Variants in CRY2 observed in about 807,000 individuals in gnomAD.
CRY2 encodes the protein cryptochrome circadian regulator 2, also known as cryptochrome-2.
Under a neutral mutation model 69.5 loss-of-function variants are expected in CRY2, and 31 were observed. The observed-to-expected ratio is 0.45, with a 90% confidence interval of 0.34 to 0.60. The LOEUF (loss-of-function observed/expected upper bound fraction) is 0.60. Among genes scored for constraint, CRY2 ranks in the 20% least tolerant of loss-of-function variants. The probability of loss-of-function intolerance (pLI) is 0.02; values close to 1 mark genes in which losing one functional copy is unlikely to be tolerated. For synonymous variants in CRY2, 303 were observed against 312.2 expected, an observed-to-expected ratio of 0.97 and a Z score of 0.31; for missense variants, 606 against 797.8, an observed-to-expected ratio of 0.76 and a Z score of 2.90.
intron 5 of CRY2, among the ~76,000 whole-genome samples, chr11:45,865,380 A>G (rs2086323167): frequency 6.6e-6 from 1 of 152,106 alleles, no homozygotes; most frequent in Non-Finnish European, 1.5e-5. Flanking sequence ...TTGCCTTAGA[A>G]TAATTCATTA....
chr11:45,871,960 T>G (rs1590771293), intron 10 of CRY2, 132 bp from the exon 11 acceptor site: 1 of 1,296,160 alleles, frequency 7.7e-7, no homozygotes, highest in Non-Finnish European at 1.1e-6. Context: ...GAGGGGCAGG[T>G]CTGAGGAGCA....
intron 4 of CRY2, 62 bp from the exon 5 acceptor site, chr11:45,861,998 C>T: frequency 7.3e-7 from 1 of 1,378,588 alleles, no homozygotes; most frequent in Non-Finnish European, 1.0e-6. Flanking sequence ...AACAGAACAG[C>T]CGTGCCGGGC....
chr11:45,876,678 C>CT (rs1167552282), intron 11 of CRY2, among the ~76,000 whole-genome samples: 3 of 152,224 alleles, frequency 2.0e-5, no homozygotes, highest in African/African-American at 7.2e-5. Context: ...CCCCCGCGGG[C>CT]TTTTGTTAGC....
chr11:45,857,541 C>T (rs1331760325), intron 2 of CRY2, among the ~76,000 whole-genome samples: 1 of 152,060 alleles, frequency 6.6e-6, no homozygotes, highest in Non-Finnish European at 1.5e-5. Context: ...GGTACTAGGC[C>T]CCATACTAGG....
chr11:45,869,798 G>C lies in CRY2; in HGVS notation c.1175G>C (p.Ser392Thr), dbSNP rs1376432702. The C allele has an allele frequency of 1.2e-6, 2 of 1,608,954 alleles. No homozygotes were observed. The highest frequency in any genetic ancestry group is 4.5e-5 in the East Asian group (2 of 44,756). Residue 392 changes from serine to threonine, a missense_variant, in exon 7 of 12, where the codon AGC becomes ACC. Transcript: ENST00000616080. ...CTGACCCGCGGGGACCTCTGGGTCA[G>C]CTGGGAGAGCGGGGTCCGGGTGAGT... Reference protein sequence around the residue: ...CFLTRGDLWVSWESGVRVFDE... With the variant: ...CFLTRGDLWVTWESGVRVFDE...
Position 45,882,662 on chromosome 11 carries a change from A to G in CRY2, c.*1751A>G. 2 of 398,972 alleles carry G rather than the reference A, an allele frequency of 5.0e-6. No homozygotes were observed. The highest frequency in any genetic ancestry group is 4.4e-6 in the Non-Finnish European group (1 of 226,084). The allele number at this position is 398,972 out of a possible 1,614,324, so 24.7% of individuals were successfully genotyped here. A position where few individuals can be genotyped will look rare whatever the true frequency, so the allele number is the denominator to read the frequency against. On this transcript the variant is annotated 3_prime_UTR_variant, in exon 12 of 12. Transcript: ENST00000616080. ...ACAGGGGATGGTGTGCATTCAGAGC[A>G]TTGGGTTGGGGGCTTCCCTGTTCCC...
At chr11:45,857,300 A>G (rs1436573757) in intron 2 of CRY2, among the ~76,000 whole-genome samples, 1 of 152,162 alleles carries the variant, frequency 6.6e-6, no homozygotes, top group African/African-American at 2.4e-5. Context: ...ATCCCGATTT[A>G]CAGGAGAGGA....
At chr11:45,879,637 T>G (rs1331403891) in intron 11 of CRY2, among the ~76,000 whole-genome samples, 2 of 152,248 alleles carry the variant, frequency 1.3e-5, no homozygotes, top group Non-Finnish European at 2.9e-5. Flanking sequence ...GCTGTTGTCC[T>G]GGGCAAGTTC....
At chr11:45,865,897 C>T (rs974422513) in intron 5 of CRY2, among the ~76,000 whole-genome samples, 3 of 152,136 alleles carry the variant, frequency 2.0e-5, no homozygotes, top group Non-Finnish European at 2.9e-5. Context: ...CTGGTCCCAG[C>T]GTGGAGAATG....
At chr11:45,861,179 C>T (rs777781967) in intron 4 of CRY2, 147 bp downstream of exon 4, 1 of 761,382 alleles carries the variant, frequency 1.3e-6, no homozygotes, top group Non-Finnish European at 2.1e-6. Flanking sequence ...ACTCCACCAC[C>T]CAGAGGTAAC....
chr11:45,847,195 C>G (rs2086155084), upstream of CRY2: 17 of 1,550,070 alleles, frequency 1.1e-5, no homozygotes, highest in East Asian at 4.2e-4. Context: ...CTACTCCCGG[C>G]ACTCCGCGGA....
rs764473456 is a variant in CRY2, at chr11:45,858,870, A to G, written c.464A>G (p.Asp155Gly). 1.2e-6 allele frequency: 2 copies of G among 1,613,488 alleles called. No homozygotes were observed. Among genetic ancestry groups the G allele is most frequent in the South Asian group, 2.2e-5 (2 of 90,998 alleles). ...AATTCTCATACCCTCTATGACCTGG[A>G]CAGGTAAGAGATGGGGCCCAGGGAT... ...TENSHTLYDLDRIIELNGQKP... is the reference protein window; with the variant it reads ...TENSHTLYDLGRIIELNGQKP... The change falls in exon 3 of 12, where the codon GAC (aspartate) becomes GGC (glycine). Residue 155 changes from aspartate to glycine, a missense_variant. By Grantham distance (94) the Asp-to-Gly change is moderately conservative (BLOSUM62 -1). Around this residue, in one of 5 missense-constraint regions of CRY2, gnomAD observed 382 missense variants for 508.9 expected, o/e 0.75. Coordinates refer to ENST00000616080, the MANE Select transcript of CRY2 (RefSeq NM_021117.5).
At chr11:45,847,416 A>C, upstream of CRY2, 1 of 1,592,988 alleles carries the variant, frequency 6.3e-7, no homozygotes, top group African/African-American at 1.3e-5. Flanking sequence ...GTCATAGGTC[A>C]CTGGGCGGGC....
At chr11:45,847,423 G>T, upstream of CRY2, 1 of 1,591,926 alleles carries the variant, frequency 6.3e-7, no homozygotes, top group Non-Finnish European at 8.5e-7. Flanking sequence ...GTCACTGGGC[G>T]GGCTATGGGC....
chr11:45,847,251 T>G, upstream of CRY2: 3 of 1,551,468 alleles, frequency 1.9e-6, no homozygotes, highest in South Asian at 1.2e-5. Context: ...CTTGTCCGCA[T>G]GCCAGCTCCA....
upstream of CRY2, chr11:45,847,393 G>A: frequency 6.3e-7 from 1 of 1,596,950 alleles, no homozygotes; most frequent in Non-Finnish European, 8.5e-7. Context: ...GGGACTAAGG[G>A]TGGAGTTGCG....
intron 1 of CRY2, among the ~76,000 whole-genome samples, chr11:45,850,867 A>G (rs1268041207): frequency 6.6e-6 from 1 of 152,198 alleles, no homozygotes; most frequent in Non-Finnish European, 1.5e-5. Context: ...CTGCAGAGGA[A>G]ATCAGATTAA....
At chr11:45,853,398 G>GA (rs1289517006) in intron 1 of CRY2, among the ~76,000 whole-genome samples, 1 of 152,190 alleles carries the variant, frequency 6.6e-6, no homozygotes, top group Non-Finnish European at 1.5e-5. Flanking sequence ...TGTGAAAGAA[G>GA]AAAAGGGCTC....
rs750684818 is a variant in CRY2, at chr11:45,855,944, T to C, written c.216-38T>C. On this transcript the variant is annotated intron_variant, in intron 1 of 11. Transcript: ENST00000616080. ...TGTTAGGAAAGAGAGCCACTCTTCA[T>C]GATGTTATCACTAACAAGGCCTGTG... The C allele has an allele frequency of 1.1e-5, 17 of 1,519,606 alleles. No homozygotes were observed. In the South Asian group the frequency reaches 1.9e-4, roughly 17 times the overall value. The allele number at this position is 1,519,606 out of a possible 1,614,324, so 94.1% of individuals were successfully genotyped here. A position where few individuals can be genotyped will look rare whatever the true frequency, so the allele number is the denominator to read the frequency against.
Sources: gnomAD v4.1 joint callset for allele counts (sites outside exome capture counted in the v4.1 genomes callset) on GRCh38, gnomAD v4.1.1 for gene constraint, gnomAD v4.1.1 regional missense constraint, MANE v1.5 for transcripts, NCBI Gene and HGNC (gene_info 2026-07-23, HGNC 2026-07-21) for gene names.